Variants in PTN observed in about 807,000 individuals in gnomAD.
The protein encoded by PTN is pleiotrophin.
In PTN, 18 loss-of-function variants were observed where a neutral mutation model predicts 24.1. The ratio of observed to expected loss-of-function variants is 0.75; its 90% CI spans 0.52 to 1.11. PTN has a LOEUF of 1.11. Among genes scored for constraint, PTN ranks in the 50% least tolerant of loss-of-function variants. The probability of loss-of-function intolerance (pLI) is 0.00; values close to 1 mark genes in which losing one functional copy is unlikely to be tolerated. For synonymous variants in PTN, 78 were observed against 68.6 expected (o/e 1.14, Z -0.67); for missense variants, 163 against 198.8 (o/e 0.82, Z 1.08).
At chr7:137,335,802 G>A (rs1325622370) in intron 1 of PTN, among the ~76,000 whole-genome samples, 1 of 152,140 alleles carries the variant, frequency 6.6e-6, no homozygotes, top group East Asian at 1.9e-4. Flanking sequence ...CTTATATTTA[G>A]TGAGAATAAC....
chr7:137,265,385 G>T (rs758794242), intron 1 of PTN, among the ~76,000 whole-genome samples: 10 of 152,126 alleles, frequency 6.6e-5, no homozygotes, highest in Non-Finnish European at 1.5e-4. Context: ...CCCAGTAAAG[G>T]TCCACCACAA....
intron 1 of PTN, among the ~76,000 whole-genome samples, chr7:137,328,245 G>T (rs1050881652): frequency 3.9e-5 from 6 of 152,056 alleles, no homozygotes; most frequent in African/African-American, 7.2e-5. Context: ...TTCATGCTTT[G>T]CAGCTTTCTA....
At chr7:137,304,787 AAGCCACAG>A (rs763183929) in intron 1 of PTN, among the ~76,000 whole-genome samples, 12 of 152,020 alleles carry the variant, frequency 7.9e-5, no homozygotes, top group Non-Finnish European at 1.3e-4. Context: ...GCAAAAGGAA[AAGCCACAG>A]AACCTCTGAG....
intron 1 of PTN, among the ~76,000 whole-genome samples, chr7:137,312,065 G>T (rs545078226): frequency 7.2e-5 from 11 of 152,242 alleles, no homozygotes; most frequent in African/African-American, 2.2e-4. Context: ...TTGGTTTTAA[G>T]ACACAGGTGG....
intron 4 of PTN, among the ~76,000 whole-genome samples, chr7:137,246,356 C>T (rs923196126): frequency 2.0e-5 from 3 of 151,696 alleles, no homozygotes; most frequent in Non-Finnish European, 4.4e-5. Flanking sequence ...GCACAGTAGG[C>T]TACACATCTA....
At chr7:137,239,684 AATG>A (rs1415875378) in intron 4 of PTN, among the ~76,000 whole-genome samples, 1 of 152,080 alleles carries the variant, frequency 6.6e-6, no homozygotes, top group Non-Finnish European at 1.5e-5. Flanking sequence ...GTTTACTGAG[AATG>A]ATGATTTCCA....
chr7:137,289,764 T>C (rs1809611294), intron 1 of PTN, among the ~76,000 whole-genome samples: 1 of 152,160 alleles, frequency 6.6e-6, no homozygotes, highest in Non-Finnish European at 1.5e-5. Context: ...CTGAATCAGC[T>C]TGTAAGTTTG....
chr7:137,232,957 A>T (rs1317837309), intron 4 of PTN, among the ~76,000 whole-genome samples: 2 of 151,880 alleles, frequency 1.3e-5, no homozygotes, highest in Non-Finnish European at 2.9e-5. Flanking sequence ...CTCCCCAGCT[A>T]TGTGGAACTG....
At chr7:137,276,089 G>A (rs539995501) in intron 1 of PTN, among the ~76,000 whole-genome samples, 20 of 152,220 alleles carry the variant, frequency 1.3e-4, no homozygotes, top group Non-Finnish European at 2.8e-4. Flanking sequence ...TCTTGGTTAT[G>A]TTTGTGAGGC....
chr7:137,260,292 CTTTA>C (rs1809010794), intron 1 of PTN, among the ~76,000 whole-genome samples: 1 of 152,074 alleles, frequency 6.6e-6, no homozygotes, highest in Non-Finnish European at 1.5e-5. Context: ...TTTCTGACCT[CTTTA>C]TTGTAAAACA....
At chr7:137,320,525 A>C (rs1585043723) in intron 1 of PTN, among the ~76,000 whole-genome samples, 1 of 152,318 alleles carries the variant, frequency 6.6e-6, no homozygotes, top group East Asian at 1.9e-4. Context: ...GATTTGGAGC[A>C]CTTTTGCTCC....
At chr7:137,342,143 T>C in intron 1 of PTN, among the ~76,000 whole-genome samples, 1 of 152,192 alleles carries the variant, frequency 6.6e-6, no homozygotes, top group East Asian at 1.9e-4. Flanking sequence ...ATCAATGCAT[T>C]CCCGGATAAT....
At chr7:137,309,484 G>C (rs1255616254) in intron 1 of PTN, among the ~76,000 whole-genome samples, 1 of 149,702 alleles carries the variant, frequency 6.7e-6, no homozygotes, top group African/African-American at 2.4e-5. Context: ...ACTCTTTCAT[G>C]AATGATTTCT....
intron 1 of PTN, among the ~76,000 whole-genome samples, chr7:137,258,922 T>C (rs975643171): frequency 6.6e-6 from 1 of 151,984 alleles, no homozygotes; most frequent in East Asian, 1.9e-4. Context: ...CTGGGGAAAA[T>C]AAAATAGTGC....
rs532281552 is a variant in PTN, at chr7:137,230,052, G to C, written c.452-1977C>G. Among the ~76,000 whole-genome samples, 3 of 151,902 alleles carry C rather than the reference G, an allele frequency of 2.0e-5. No homozygotes were observed. In the South Asian group the frequency reaches 6.2e-4, roughly 31 times the overall value. On this transcript the variant is annotated intron_variant, in intron 4 of 4. Transcript: ENST00000348225. ...CTTGTTATCTTCTAGGTCTCCAGTA[G>C]AGTGGATATCTAAGTAGCAATTTTC... is the stretch of plus-strand genomic sequence containing the variant.
Position 137,237,167 on chromosome 7 carries a change from A to C in PTN, c.452-9092T>G, listed in dbSNP as rs1808537380. 3.3e-5 allele frequency among the ~76,000 whole-genome samples: 5 copies of C among 152,180 alleles called. No individual in the cohort carries two copies. In the South Asian group the frequency reaches 1.0e-3, roughly 31 times the overall value. On this transcript the variant is annotated intron_variant, in intron 4 of 4. Transcript: ENST00000348225. ...AGTCTTTACAGAGGCAATTAAATTA[A>C]AATGAGGGCATTCGGATAGACCCTA...
chr7:137,306,624 G>T (rs1809893025), intron 1 of PTN, among the ~76,000 whole-genome samples: 1 of 151,922 alleles, frequency 6.6e-6, no homozygotes, highest in South Asian at 2.1e-4. Context: ...TGTAGAAACA[G>T]AAAAATCTGA....
intron 1 of PTN, among the ~76,000 whole-genome samples, chr7:137,264,100 G>T (rs1221676620): frequency 6.6e-6 from 1 of 152,070 alleles, no homozygotes; most frequent in Non-Finnish European, 1.5e-5. Context: ...TGATTCTTTA[G>T]GGCTGGGAAT....
chr7:137,263,560 T>C (rs899843360), intron 1 of PTN, among the ~76,000 whole-genome samples: 1 of 152,212 alleles, frequency 6.6e-6, no homozygotes, highest in African/African-American at 2.4e-5. Context: ...ATGATTCAGT[T>C]GAGCATGTAA....
Sources: allele counts gnomAD v4.1 joint callset (sites outside exome capture counted in the v4.1 genomes callset), GRCh38; gene constraint gnomAD v4.1.1; transcripts MANE v1.5; gene names NCBI Gene and HGNC (gene_info 2026-07-23, HGNC 2026-07-21).